CPE: variants seen among roughly 807,000 people sequenced by gnomAD.
The protein encoded by CPE is carbocypeptidase E.
A neutral mutation model predicts 53.5 loss-of-function variants in CPE; 17 were observed. That is an observed-to-expected ratio of 0.32 (90% CI 0.22 to 0.48). The LOEUF (loss-of-function observed/expected upper bound fraction) is 0.48. Among genes scored for constraint, CPE ranks in the 20% least tolerant of loss-of-function variants. The pLI is 0.99. For missense variants in CPE, 524 were observed against 614.7 expected (o/e 0.85, Z 1.56); for synonymous variants, 226 against 228.8 (o/e 0.99, Z 0.11).
At chr4:165,381,993 A>C (rs1414047788) in intron 1 of CPE, among the ~76,000 whole-genome samples, 1 of 152,248 alleles carries the variant, frequency 6.6e-6, no homozygotes, top group Non-Finnish European at 1.5e-5. Context: ...AAGATAACAC[A>C]GAAGATAGTC....
intron 1 of CPE, among the ~76,000 whole-genome samples, chr4:165,391,303 T>C (rs777548005): frequency 1.3e-5 from 2 of 152,142 alleles, no homozygotes; most frequent in African/African-American, 2.4e-5. Flanking sequence ...CAAAAATTCA[T>C]TGGACAAAGC....
chr4:165,408,700 G>A (rs915134263), intron 1 of CPE, among the ~76,000 whole-genome samples: 3 of 152,176 alleles, frequency 2.0e-5, no homozygotes, highest in African/African-American at 7.2e-5. Flanking sequence ...GTCTGAGGTA[G>A]GGCCTGAAAT....
intron 1 of CPE, among the ~76,000 whole-genome samples, chr4:165,454,077 C>T (rs1731859276): frequency 2.6e-5 from 4 of 152,024 alleles, no homozygotes. Flanking sequence ...TGTAAATACT[C>T]CCATCCTGGC....
At chr4:165,385,601 C>T (rs1005223521) in intron 1 of CPE, among the ~76,000 whole-genome samples, 25 of 152,052 alleles carry the variant, frequency 1.6e-4, no homozygotes, top group Admixed American at 1.4e-3. Flanking sequence ...GCCACCACAC[C>T]CTGCCTGTTT....
At chr4:165,407,239 C>G (rs1361807915) in intron 1 of CPE, among the ~76,000 whole-genome samples, 5 of 152,182 alleles carry the variant, frequency 3.3e-5, no homozygotes, top group African/African-American at 9.7e-5. Flanking sequence ...TCTCTATATC[C>G]TCGCCAACTT....
chr4:165,405,167 C>T (rs1029146824), intron 1 of CPE: 1 of 772,842 alleles, frequency 1.3e-6, no homozygotes, highest in Non-Finnish European at 2.4e-6. Context: ...TTGCTGTCCT[C>T]AGCCTAACCC....
At chr4:165,437,283 A>G (rs374495937) in intron 1 of CPE, among the ~76,000 whole-genome samples, 12 of 152,318 alleles carry the variant, frequency 7.9e-5, no homozygotes, top group Admixed American at 3.3e-4. Flanking sequence ...GCCGTGCCTC[A>G]ACGCAGGAGA....
At chr4:165,478,040 G>A (rs1482520276) in intron 3 of CPE, among the ~76,000 whole-genome samples, 1 of 152,174 alleles carries the variant, frequency 6.6e-6, no homozygotes, top group Non-Finnish European at 1.5e-5. Flanking sequence ...TGAAAGCAGA[G>A]TCAATTAAAA....
chr4:165,491,900 A>T (rs1410135271), intron 6 of CPE, among the ~76,000 whole-genome samples: 1 of 152,168 alleles, frequency 6.6e-6, no homozygotes, highest in Non-Finnish European at 1.5e-5. Flanking sequence ...AGCGAAAGAC[A>T]ATTTATTTTC....
At chr4:165,486,232 C>G (rs557501873) in intron 5 of CPE, among the ~76,000 whole-genome samples, 1 of 152,222 alleles carries the variant, frequency 6.6e-6, no homozygotes, top group African/African-American at 2.4e-5. Context: ...TGAGCTCTAA[C>G]AGCCAACACC....
In CPE at chr4:165,394,985, G is replaced by A. The variant is rs1292001786; in HGVS notation, c.307+15457G>A. Among the ~76,000 whole-genome samples, 5 of 152,268 alleles carry A rather than the reference G, an allele frequency of 3.3e-5. No individual in the cohort carries two copies. The East Asian group carries it at 9.6e-4, about 29-fold the overall frequency. On this transcript the variant is annotated intron_variant, in intron 1 of 8. Transcript: ENST00000402744. ...TTAAATGATTGGACAGAAAATAGTGGTATGAATTACTGTAGGAATTTAAGA... is the reference window on the plus strand; with the variant it reads ...TTAAATGATTGGACAGAAAATAGTGATATGAATTACTGTAGGAATTTAAGA...
chr4:165,386,357 C>T (rs953341771), intron 1 of CPE: 1 of 446,706 alleles, frequency 2.2e-6, no homozygotes, highest in African/African-American at 2.2e-5. Context: ...TCCTGAATGT[C>T]TAGTATTATG....
chr4:165,457,169 G>A (rs1191925528), intron 1 of CPE, among the ~76,000 whole-genome samples: 1 of 152,154 alleles, frequency 6.6e-6, no homozygotes, highest in Non-Finnish European at 1.5e-5. Context: ...ACATGCAGTG[G>A]TGGGTTGGAG....
intron 1 of CPE, among the ~76,000 whole-genome samples, chr4:165,384,571 G>A (rs144822527): frequency 0.015 from 2,338 of 152,284 alleles, 59 homozygotes; most frequent in African/African-American, 0.052. Flanking sequence ...AGCCATGATT[G>A]TACCACTGCA....
At chr4:165,457,239 G>A (rs1325957003) in intron 1 of CPE, among the ~76,000 whole-genome samples, 1 of 152,124 alleles carries the variant, frequency 6.6e-6, no homozygotes, top group Non-Finnish European at 1.5e-5. Context: ...TGAGCCAAGT[G>A]ACCACACATT....
intron 3 of CPE, among the ~76,000 whole-genome samples, chr4:165,475,340 G>A (rs1214769702): frequency 6.6e-6 from 1 of 152,194 alleles, no homozygotes; most frequent in Non-Finnish European, 1.5e-5. Context: ...ATTCCAATTT[G>A]TATCTATCCT....
intron 3 of CPE, among the ~76,000 whole-genome samples, chr4:165,481,950 T>A (rs1055035007): frequency 1.3e-5 from 2 of 152,354 alleles, no homozygotes; most frequent in South Asian, 4.1e-4. Flanking sequence ...ATTTGTGAGT[T>A]GCATGCTGGT....
intron 3 of CPE, among the ~76,000 whole-genome samples, chr4:165,472,668 A>C (rs1231806161): frequency 6.6e-6 from 1 of 152,208 alleles, no homozygotes; most frequent in African/African-American, 2.4e-5. Context: ...TTTTTTTATC[A>C]GATTGATCTT....
chr4:165,484,479 G>A lies in CPE; in HGVS notation c.848G>A (p.Arg283Gln), dbSNP rs763266873. Residue 283 changes from arginine (R) to glutamine (Q), a missense_variant, in exon 5 of 9, where the codon CGG becomes CAG. Transcript: ENST00000402744. The part of the protein sequence containing the change: ...PDDAIFQSLA[R>Q]AYSSFNPAMS... Reference sequence around the variant, plus strand: ...GACGCCATTTTCCAAAGCTTGGCCCGGGCATACTCTTCTTTCAACCCGGCC... The same window carrying A: ...GACGCCATTTTCCAAAGCTTGGCCCAGGCATACTCTTCTTTCAACCCGGCC... 8 of 1,613,954 alleles carry A rather than the reference G, an allele frequency of 5.0e-6. No homozygotes were observed. In the Admixed American group the frequency reaches 5.0e-5, roughly 10 times the overall value.
Sources: allele counts gnomAD v4.1 joint callset (sites outside exome capture counted in the v4.1 genomes callset), GRCh38; gene constraint gnomAD v4.1.1; transcripts MANE v1.5; gene names NCBI Gene and HGNC (gene_info 2026-07-23, HGNC 2026-07-21).